UBE2D2: variants seen among roughly 807,000 people sequenced by gnomAD.
The protein encoded by UBE2D2 is ubiquitin conjugating enzyme E2 D2, also known as ubiquitin-conjugating enzyme E2 D2.
Under a neutral mutation model 24.2 loss-of-function variants are expected in UBE2D2, and 2 were observed. The ratio of observed to expected loss-of-function variants is 0.08; its 90% confidence interval spans 0.03 to 0.26. UBE2D2 has a LOEUF of 0.26. Ranked by LOEUF, UBE2D2 falls within the 10% of genes least tolerant of loss-of-function variation. UBE2D2 has a pLI of 1.00. For missense variants in UBE2D2, 44 were observed against 177.6 expected (o/e 0.25, Z 4.28); for synonymous variants, 58 against 56.5 (o/e 1.03, Z -0.12).
At chr5:139,547,135 A>C (rs1752843745) in intron 1 of UBE2D2, among the ~76,000 whole-genome samples, 1 of 151,758 alleles carries the variant, frequency 6.6e-6, no homozygotes, top group Admixed American at 6.6e-5. Flanking sequence ...CTAAAAATAC[A>C]AAAAAATTAG....
chr5:139,582,921 C>T (rs1211121686), intron 1 of UBE2D2, among the ~76,000 whole-genome samples: 1 of 151,456 alleles, frequency 6.6e-6, no homozygotes, highest in East Asian at 1.9e-4. Context: ...CTGCCCGCCT[C>T]GGCCTCCCAA....
intron 1 of UBE2D2, among the ~76,000 whole-genome samples, chr5:139,555,279 G>A (rs1016579587): frequency 3.9e-5 from 6 of 152,070 alleles, no homozygotes; most frequent in African/African-American, 1.4e-4. Context: ...GAGGTCAAGT[G>A]ATCCACCCAC....
chr5:139,558,174 G>A (rs932092180), upstream of UBE2D2, among the ~76,000 whole-genome samples: 51 of 152,052 alleles, frequency 3.4e-4, no homozygotes, highest in Admixed American at 1.3e-4. Context: ...GGAAACAAAT[G>A]TTCCCCAAAA....
chr5:139,592,462 G>A (rs1753864176), intron 1 of UBE2D2, among the ~76,000 whole-genome samples: 1 of 152,088 alleles, frequency 6.6e-6, no homozygotes, highest in African/African-American at 2.4e-5. Flanking sequence ...CAGAGTTTCT[G>A]ACCTGGTAGT....
intron 1 of UBE2D2, among the ~76,000 whole-genome samples, chr5:139,563,995 C>T (rs1014464188): frequency 6.6e-6 from 1 of 151,972 alleles, no homozygotes; most frequent in Non-Finnish European, 1.5e-5. Flanking sequence ...CGGACTTTTT[C>T]AGAGAGGGAA....
At position 139,561,674 on chromosome 5, in the gene UBE2D2, T is replaced by C. The variant is rs1753099699; in HGVS notation, c.-118T>C. Reference sequence around the variant, plus strand: ...TCCCGCCGGACCCGCTTTCCTCAACTCTCCATCTTCTCCTGCCGACCGAGA... The same window carrying C: ...TCCCGCCGGACCCGCTTTCCTCAACCCTCCATCTTCTCCTGCCGACCGAGA... On this transcript the variant is annotated 5_prime_UTR_variant, in exon 1 of 7. Transcript: ENST00000398733. The C allele has an allele frequency of 1.3e-6, 1 of 751,822 alleles. No homozygotes were observed. The highest frequency in any genetic ancestry group is 2.0e-6 in the Non-Finnish European group (1 of 502,102). 46.6% of individuals were successfully genotyped at this position (751,822 alleles called of 1,614,324 possible). A position where few individuals can be genotyped will look rare whatever the true frequency, so the allele number is the denominator to read the frequency against.
At chr5:139,547,826 C>A (rs1752853425) in intron 1 of UBE2D2, among the ~76,000 whole-genome samples, 1 of 152,028 alleles carries the variant, frequency 6.6e-6, no homozygotes, top group South Asian at 2.1e-4. Context: ...TCCTGAGTAG[C>A]TGGGATTACA....
intron 1 of UBE2D2, among the ~76,000 whole-genome samples, chr5:139,526,788 C>T (rs1021070817): frequency 1.3e-5 from 2 of 152,234 alleles, no homozygotes; most frequent in African/African-American, 2.4e-5. Context: ...TGATCACCCA[C>T]GGTGTGCCTG....
intron 1 of UBE2D2, chr5:139,562,497 T>C: frequency 8.2e-7 from 1 of 1,222,274 alleles, no homozygotes; most frequent in Non-Finnish European, 1.1e-6. Flanking sequence ...ACTTCCGTTT[T>C]GCAGGATTGG....
intron 1 of UBE2D2, among the ~76,000 whole-genome samples, chr5:139,527,349 G>C (rs1438783761): frequency 1.3e-5 from 2 of 152,174 alleles, no homozygotes; most frequent in African/African-American, 4.8e-5. Flanking sequence ...GGCAAGGAAA[G>C]ACCAGCAGAG....
chr5:139,544,914 C>T (rs1752805842), intron 1 of UBE2D2, among the ~76,000 whole-genome samples: 1 of 151,862 alleles, frequency 6.6e-6, no homozygotes, highest in African/African-American at 2.4e-5. Context: ...GTAGCTGGGA[C>T]TACAGGTGTG....
intron 2 of UBE2D2, among the ~76,000 whole-genome samples, chr5:139,603,369 G>A (rs1005098712): frequency 6.6e-6 from 1 of 152,132 alleles, no homozygotes; most frequent in Non-Finnish European, 1.5e-5. Context: ...TCCCACAGCC[G>A]AGTGCGATGG....
Position 139,623,436 on chromosome 5 carries a change from C to G in UBE2D2, c.373C>G (p.Arg125Gly). 1 of 1,603,252 alleles carries G rather than the reference C, an allele frequency of 6.2e-7. No individual in the cohort carries two copies. Among genetic ancestry groups the G allele is most frequent in the Non-Finnish European group, 8.5e-7 (1 of 1,171,794 alleles). ...PDDPLVPEIARIYKTDREKYN... is the reference protein window; with the variant it reads ...PDDPLVPEIAGIYKTDREKYN... ...TGATCCTTTAGTGCCTGAGATTGCT[C>G]GGATCTACAAAACAGATAGAGAAAA... is the stretch of plus-strand genomic sequence containing the variant. Residue 125 changes from arginine to glycine, a missense_variant, in exon 6 of 7, where the codon CGG becomes GGG. Around this residue, in one of 2 missense-constraint regions of UBE2D2, gnomAD observed 21 missense variants for 35.7 expected, o/e 0.59. Transcript: ENST00000398733.
intron 1 of UBE2D2, among the ~76,000 whole-genome samples, chr5:139,548,193 A>AAATAAATAAAT (rs1752862660): frequency 2.3e-4 from 11 of 47,106 alleles, no homozygotes; most frequent in East Asian, 6.6e-4. Context: ...ATAAAAAAAA[A>AAATAAATAAAT]AAATAAATAA....
At chr5:139,553,108 C>G (rs537868784) in intron 1 of UBE2D2, among the ~76,000 whole-genome samples, 39 of 152,276 alleles carry the variant, frequency 2.6e-4, no homozygotes, top group African/African-American at 8.9e-4. Flanking sequence ...CATAAGCCAC[C>G]GCTCCTGGCC....
intron 1 of UBE2D2, among the ~76,000 whole-genome samples, chr5:139,576,403 C>T (rs1447376883): frequency 2.6e-5 from 4 of 151,994 alleles, no homozygotes; most frequent in Non-Finnish European, 5.9e-5. Flanking sequence ...ATCTTTGTAT[C>T]ACCTTCTCTG....
intron 1 of UBE2D2, among the ~76,000 whole-genome samples, chr5:139,567,765 C>G (rs1399303597): frequency 1.3e-5 from 2 of 151,734 alleles, no homozygotes; most frequent in Non-Finnish European, 2.9e-5. Context: ...AACTCCTGAC[C>G]TCCAGTGATC....
In UBE2D2 at chr5:139,608,640, T is replaced by C. The variant is rs573162464; in HGVS notation, c.89-5946T>C. On this transcript the variant is annotated intron_variant, in intron 2 of 6. Transcript: ENST00000398733. Reference sequence around the variant, plus strand: ...GGTATTCTTTCCATAATTATAAACATTGGCAGCTTGTTGGCATTTCTGCTT... The same window carrying C: ...GGTATTCTTTCCATAATTATAAACACTGGCAGCTTGTTGGCATTTCTGCTT... 7.9e-5 allele frequency among the ~76,000 whole-genome samples: 12 copies of C among 152,280 alleles called. No individual in the cohort carries two copies. In the South Asian group the frequency reaches 2.5e-3, roughly 32 times the overall value.
At chr5:139,551,406 C>T (rs908476149) in intron 1 of UBE2D2, among the ~76,000 whole-genome samples, 6 of 152,152 alleles carry the variant, frequency 3.9e-5, no homozygotes, top group African/African-American at 1.4e-4. Context: ...AATATCTTCT[C>T]CAAGGACAGA....
Sources: allele counts gnomAD v4.1 joint callset (sites outside exome capture counted in the v4.1 genomes callset), GRCh38; gene constraint gnomAD v4.1.1; regional missense constraint gnomAD v4.1.1; transcripts MANE v1.5; gene names NCBI Gene and HGNC (gene_info 2026-07-23, HGNC 2026-07-21).